The following MTA2 variants were observed in gnomAD, a reference collection of about 807,000 sequenced individuals.
MTA2 encodes metastasis-associated protein MTA2.
A neutral mutation model predicts 87.1 loss-of-function variants in MTA2; 22 were observed. That is an observed-to-expected ratio of 0.25 (90% CI 0.18 to 0.36). The LOEUF (loss-of-function observed/expected upper bound fraction) is 0.36, where lower values mean the gene tolerates loss of function less well. Among genes scored for constraint, MTA2 ranks in the 10% least tolerant of loss-of-function variants. The pLI is 1.00. For synonymous variants in MTA2, 314 were observed against 310.1 expected (o/e 1.01, Z -0.13); for missense variants, 542 against 853.2 (o/e 0.64, Z 4.54).
At chr11:62,600,110 CATG>C in intron 3 of MTA2, 53 bp downstream of exon 3, 1 of 1,504,492 alleles carries the variant, frequency 6.6e-7, no homozygotes, top group Non-Finnish European at 9.2e-7. Flanking sequence ...CCTGCAGGGA[CATG>C]CCCAGGCCTC....
rs77548760 is a variant in MTA2 at position 62,595,554 on chromosome 11, T to A, written c.1255-62A>T. The A allele has an allele frequency of 4.3e-4, 680 of 1,584,320 alleles. No individual in the cohort carries two copies. In the African/African-American group the frequency reaches 8.4e-3, roughly 20 times the overall value. On this transcript the variant is annotated intron_variant, in intron 13 of 17. Coordinates refer to ENST00000278823, the MANE Select transcript of MTA2 (RefSeq NM_004739.4). The surrounding 1 kb of genome is among the most constrained non-coding windows in gnomAD (Gnocchi z 4.9). Reference sequence around the variant, plus strand: ...TCAGCACTGAGGCTCCCTTCTTTCTTCCATTCCCTGCAGGGGACAATTTAT... The same window carrying A: ...TCAGCACTGAGGCTCCCTTCTTTCTACCATTCCCTGCAGGGGACAATTTAT...
chr11:62,594,922 T>C, intron 15 of MTA2, 59 bp downstream of exon 15: 2 of 1,449,836 alleles, frequency 1.4e-6, no homozygotes, highest in South Asian at 1.2e-5. Flanking sequence ...AGGGGAGAGA[T>C]GTCAGACAGG....
intron 5 of MTA2, 57 bp downstream of exon 5, chr11:62,598,268 CCT>C (rs1293845819): frequency 3.9e-5 from 62 of 1,586,666 alleles, no homozygotes; most frequent in Admixed American, 3.2e-4. Flanking sequence ...CTCCTTTCCC[CCT>C]CTCTTTTGCG....
Position 62,601,608 on chromosome 11 carries a change from G to A in MTA2, c.-158C>T. The A allele has an allele frequency of 1.3e-6, 1 of 788,062 alleles. No homozygotes were observed. Among genetic ancestry groups the A allele is most frequent in the South Asian group, 2.0e-5 (1 of 50,858 alleles). 48.8% of individuals were successfully genotyped at this position (788,062 alleles called of 1,614,324 possible). ...GCACCTCCGCTGCCTCAGCCGTCGC[G>A]GTTCATCCCGGCCCGCGCTGTCGCC... On this transcript the variant is annotated 5_prime_UTR_variant, in exon 1 of 18. Coordinates refer to ENST00000278823, the MANE Select transcript of MTA2 (RefSeq NM_004739.4).
At chr11:62,599,767 T>C (rs959369856) in intron 3 of MTA2, among the ~76,000 whole-genome samples, 2 of 151,760 alleles carry the variant, frequency 1.3e-5, no homozygotes, top group African/African-American at 4.8e-5. Flanking sequence ...CATCACCTTG[T>C]GATTACAAAA....
At chr11:62,599,715 C>T (rs999637652) in intron 3 of MTA2, among the ~76,000 whole-genome samples, 1 of 151,992 alleles carries the variant, frequency 6.6e-6, no homozygotes, top group Admixed American at 6.6e-5. Context: ...AATTAAAAAG[C>T]GCAAGAAAAC....
intron 7 of MTA2, 22 bp from the exon 8 acceptor site, chr11:62,597,437 C>A (rs1336164987): frequency 1.3e-6 from 2 of 1,599,742 alleles, no homozygotes; most frequent in Non-Finnish European, 1.7e-6. Flanking sequence ...ATTGAGAAGT[C>A]AAAAGCGAAA....
chr11:62,598,269 CT>C, intron 5 of MTA2, 57 bp downstream of exon 5: 2 of 1,588,848 alleles, frequency 1.3e-6, no homozygotes, highest in East Asian at 4.5e-5. Context: ...TCCTTTCCCC[CT>C]CTCTTTTGCG....
At chr11:62,598,481 G>GT in intron 4 of MTA2, 41 bp downstream of exon 4, 3 of 1,606,352 alleles carry the variant, frequency 1.9e-6, no homozygotes, top group Non-Finnish European at 1.7e-6. Context: ...CATCTTCTAC[G>GT]TAAGTGCACG....
rs113716257 is a variant in MTA2, at chr11:62,593,910, C to G, written c.1972G>C (p.Ala658Pro). The G allele has an allele frequency of 1.2e-6, 2 of 1,614,050 alleles. No individual in the cohort carries two copies. Among genetic ancestry groups the G allele is most frequent in the African/African-American group, 2.7e-5 (2 of 74,904 alleles). The stretch of plus-strand genomic sequence containing the variant: ...AGGACAATAGGCTCATTGGTGCTGG[C>G]AGGATGTGAGGGTGCAGGTAGAGGG... ...PVPLPAPSHP[A>P]STNEPIVLED Residue 658 changes from alanine (A) to proline (P), a missense_variant, in exon 18 of 18, where the codon GCC becomes CCC. Coordinates refer to ENST00000278823, the MANE Select transcript of MTA2 (RefSeq NM_004739.4).
Position 62,594,367 on chromosome 11 carries a change from G to C in MTA2, c.1733C>G (p.Pro578Arg). 1 of 1,614,196 alleles carries C rather than the reference G, an allele frequency of 6.2e-7. No homozygotes were observed. Among genetic ancestry groups the C allele is most frequent in the Non-Finnish European group, 8.5e-7 (1 of 1,180,036 alleles). Residue 578 changes from proline (P) to arginine (R), a missense_variant, in exon 17 of 18, where the codon CCT (proline) becomes CGT (arginine). By Grantham distance (103) the Pro-to-Arg change is moderately radical. Coordinates refer to ENST00000278823, the MANE Select transcript of MTA2 (RefSeq NM_004739.4). Reference protein sequence around the residue: ...AGVPFSANGRPLASGIRSSSQ... With the variant: ...AGVPFSANGRRLASGIRSSSQ... The stretch of plus-strand genomic sequence containing the variant: ...GCTTGAACGAATCCCTGAAGCCAGA[G>C]GCCTTCCATTGGCAGAGAAAGGAAC...
rs1444786851 is a variant in MTA2 at position 62,595,306 on chromosome 11, G to A, written c.1441C>T (p.Arg481Trp). ...DLLQPRRAAR[R>W]PYAPINANAI... ...TTGGCATTGATAGGAGCATAAGGCC[G>A]TCGGGCGGCCCTCCTTGGCTGTAAT... Residue 481 changes from arginine (R) to tryptophan (W), a missense_variant, in exon 14 of 18, where the codon CGG becomes TGG. By Grantham distance (101) the Arg-to-Trp change is moderately radical (BLOSUM62 -3). This residue lies in a region of MTA2 where 269 missense variants were observed against 346.4 expected (regional missense o/e 0.78). Coordinates refer to ENST00000278823, the MANE Select transcript of MTA2 (RefSeq NM_004739.4). The surrounding 1 kb of genome is among the most constrained non-coding windows in gnomAD (Gnocchi z 4.9). 3 of 1,614,206 alleles carry A rather than the reference G, an allele frequency of 1.9e-6. No individual in the cohort carries two copies. Among genetic ancestry groups the A allele is most frequent in the Non-Finnish European group, 2.5e-6 (3 of 1,180,032 alleles).
rs751321630 is a variant in MTA2 at position 62,593,832 on chromosome 11, T to C, written c.*43A>G. 32 of 1,609,946 alleles carry C rather than the reference T, an allele frequency of 2.0e-5. No homozygotes were observed. Among genetic ancestry groups the C allele is most frequent in the Non-Finnish European group, 2.5e-5 (29 of 1,177,422 alleles). ...AAGGGAGGTTTGGGTGCCCTGGGCA[T>C]CCACCCTCTACCTCTCAGCCCACCT... On this transcript the variant is annotated 3_prime_UTR_variant, in exon 18 of 18. Transcript: ENST00000278823.
At position 62,594,622 on chromosome 11, in the gene MTA2, G is replaced by A; in HGVS notation, c.1586C>T (p.Pro529Leu). ...TIVKDLVAQA[P>L]LKPKTPRGTK... The stretch of plus-strand genomic sequence containing the variant: ...ACCCCGAGGTGTTTTTGGTTTCAGG[G>A]GTGCCTGGGCCACTGGAAAAAAACA... The change falls in exon 16 of 18, where the codon CCC (proline) becomes CTC (leucine). Residue 529 changes from proline (P) to leucine (L), a missense_variant. This residue lies in a region of MTA2 where 269 missense variants were observed against 346.4 expected (regional missense o/e 0.78). Coordinates refer to ENST00000278823, the MANE Select transcript of MTA2 (RefSeq NM_004739.4). 2 of 1,613,914 alleles carry A rather than the reference G, an allele frequency of 1.2e-6. No homozygotes were observed. Among genetic ancestry groups the A allele is most frequent in the Non-Finnish European group, 1.7e-6 (2 of 1,179,978 alleles).
chr11:62,597,997 G>C, intron 6 of MTA2, 27 bp downstream of exon 6: 1 of 1,576,522 alleles, frequency 6.3e-7, no homozygotes, highest in Non-Finnish European at 8.7e-7. Flanking sequence ...CAACCTGGTA[G>C]CCGTACAGTC....
chr11:62,593,713 G>A lies in MTA2; in HGVS notation c.*162C>T. On this transcript the variant is annotated 3_prime_UTR_variant, in exon 18 of 18. Transcript: ENST00000278823. ...ATGGAGGCATGAGACAAGTCTCGAG[G>A]TGGTAACACCAGAGGGCGCCCAACC... is the stretch of plus-strand genomic sequence containing the variant. The A allele has an allele frequency of 3.8e-6, 3 of 787,502 alleles. No homozygotes were observed. The highest frequency in any genetic ancestry group is 6.0e-6 in the Non-Finnish European group (3 of 504,146). 48.8% of individuals were successfully genotyped at this position (787,502 alleles called of 1,614,324 possible).
rs768860620 is a variant in MTA2, at chr11:62,597,711, TC to T, written c.491del (p.Gly164GlufsTer13). 6.2e-7 allele frequency: 1 copy of T among 1,613,806 alleles called. No individual in the cohort carries two copies. Among genetic ancestry groups the T allele is most frequent in the Non-Finnish European group, 8.5e-7 (1 of 1,179,822 alleles). ...QAEIPDRLVE[G>X]ESDNRNQQKM... The stretch of plus-strand genomic sequence containing the variant: ...TCTGCTGGTTCCGATTATCAGATTC[TC>T]CTGGGGAAAAGAACAATGGCATCAA... On this transcript the variant is annotated frameshift_variant and splice_region_variant, in exon 7 of 18. Coordinates refer to ENST00000278823, the MANE Select transcript of MTA2 (RefSeq NM_004739.4). LOFTEE classifies it high-confidence loss of function.
Position 62,596,808 on chromosome 11 carries a change from G to A in MTA2, c.711C>T (p.Thr237=), listed in dbSNP as rs149598501. Residue 237 remains threonine (T), a synonymous_variant, in exon 9 of 18, where the codon ACC becomes ACT. Transcript: ENST00000278823. ...CCAGGTCGTAGCCGTTCCTTTGCAA[G>A]GTATCCATGGCGTGAAACTATGGGG... The part of the protein sequence containing the change: ...RDITLFHAMD[T]LQRNGYDLAK... The A allele has an allele frequency of 1.7e-3, 2,682 of 1,603,718 alleles. 17 individuals carry two copies. The highest frequency in any genetic ancestry group is 0.016 in the Middle Eastern group (94 of 5,992).
At chr11:62,597,206 C>CAA (rs35814304) in intron 8 of MTA2, 110 bp downstream of exon 8, 3,506 of 651,074 alleles carry the variant, frequency 5.4e-3, no homozygotes, top group Non-Finnish European at 7.1e-3. Flanking sequence ...ACAAAACAAA[C>CAA]AAAAAAAAAA....
Sources: allele counts gnomAD v4.1 joint callset (sites outside exome capture counted in the v4.1 genomes callset), GRCh38; gene constraint gnomAD v4.1.1; regional missense constraint gnomAD v4.1.1; non-coding constraint Gnocchi (gnomAD v3.1); transcripts MANE v1.5; gene names NCBI Gene and HGNC (gene_info 2026-07-23, HGNC 2026-07-21).